Variants in TSPAN32 observed in about 807,000 individuals in gnomAD.
The protein encoded by TSPAN32 is tetraspanin 32.
In TSPAN32, 47 loss-of-function variants were observed where a neutral mutation model predicts 42.7. The ratio of observed to expected loss-of-function variants is 1.10; its 90% CI spans 0.87 to 1.40. The LOEUF is 1.40. TSPAN32 is among the 40% of genes most tolerant of loss of function. The pLI, the probability that TSPAN32 is intolerant of heterozygous loss-of-function variation, is 0.00. For synonymous variants in TSPAN32, 175 were observed against 175.9 expected (o/e 0.99, Z 0.04); for missense variants, 469 against 424.1 (o/e 1.11, Z -0.93).
At position 2,304,677 on chromosome 11, in the gene TSPAN32, G is replaced by A. The variant is rs1847973131; in HGVS notation, c.279+473G>A. Among the ~76,000 whole-genome samples, 1 of 151,840 alleles carries A rather than the reference G, an allele frequency of 6.6e-6. No individual in the cohort carries two copies. Among genetic ancestry groups the A allele is most frequent in the South Asian group, 2.1e-4 (1 of 4,820 alleles). On this transcript the variant is annotated intron_variant, in intron 3 of 9. Transcript: ENST00000182290. The surrounding 1 kb of genome is among the most constrained non-coding windows in gnomAD (Gnocchi z 4.8). The stretch of plus-strand genomic sequence containing the variant: ...TTGAGCTCTCCAGCCTGGGCTCTCC[G>A]GAGCTGCACACTCTCCTTCCCAGCT...
At position 2,313,025 on chromosome 11, in the gene TSPAN32, G is replaced by T. The variant is rs908920997; in HGVS notation, c.355-629G>T. Among the ~76,000 whole-genome samples the T allele has an allele frequency of 6.6e-6, 1 of 152,166 alleles. No individual in the cohort carries two copies. Among genetic ancestry groups the T allele is most frequent in the Non-Finnish European group, 1.5e-5 (1 of 68,020 alleles). ...GTGGAGACATGAGGTCCAGGTGTTG[G>T]TGAGGTGTGGAGCGCAGGCAGCACA... On this transcript the variant is annotated intron_variant, in intron 4 of 9. Coordinates refer to ENST00000182290, the MANE Select transcript of TSPAN32 (RefSeq NM_139022.3). This position sits in a 1 kb window ranked among gnomAD's most constrained non-coding sequence, Gnocchi z 9.1.
At chr11:2,306,708 C>T (rs554495756) in intron 3 of TSPAN32, among the ~76,000 whole-genome samples, 2 of 150,080 alleles carry the variant, frequency 1.3e-5, no homozygotes, top group Non-Finnish European at 3.0e-5. Flanking sequence ...GGGATGGTGG[C>T]CCTCAGCCAG....
At chr11:2,306,180 A>G (rs1848076237) in intron 3 of TSPAN32, among the ~76,000 whole-genome samples, 2 of 152,050 alleles carry the variant, frequency 1.3e-5, no homozygotes, top group African/African-American at 4.8e-5. Context: ...GCACAAGTGA[A>G]GGGGCTAGGG....
intron 6 of TSPAN32, chr11:2,314,989 C>G: frequency 3.5e-6 from 1 of 287,386 alleles, no homozygotes; most frequent in South Asian, 3.0e-5. Flanking sequence ...GTGCAGGCGT[C>G]CTGGGGGGCA....
intron 3 of TSPAN32, among the ~76,000 whole-genome samples, chr11:2,307,751 A>G (rs1337045013): frequency 6.6e-6 from 1 of 151,964 alleles, no homozygotes; most frequent in East Asian, 1.9e-4. Flanking sequence ...CCACCAGAGA[A>G]CGCCCCACTC....
intron 6 of TSPAN32, 119 bp from the exon 7 acceptor site, chr11:2,316,110 G>A (rs1408454681): frequency 3.9e-6 from 6 of 1,523,896 alleles, no homozygotes; most frequent in Middle Eastern, 1.7e-4. Flanking sequence ...CGCACCCGCC[G>A]CCCTGCTGCC....
At chr11:2,314,844 A>G in intron 6 of TSPAN32, 1 of 484,496 alleles carries the variant, frequency 2.1e-6, no homozygotes. Context: ...TGCGCCATTC[A>G]CTCCTTCAAG....
chr11:2,305,925 T>A (rs1416581269), intron 3 of TSPAN32, among the ~76,000 whole-genome samples: 1 of 152,298 alleles, frequency 6.6e-6, no homozygotes, highest in East Asian at 1.9e-4. Flanking sequence ...ACCTGCTCCA[T>A]TGAGCTGCAT....
chr11:2,303,486 G>T, intron 2 of TSPAN32: 1 of 177,248 alleles, frequency 5.6e-6, no homozygotes, highest in South Asian at 8.7e-5. Context: ...TCAGGGGTAA[G>T]GCTGAGGAAG....
chr11:2,303,990 G>GC (rs1430363253), intron 2 of TSPAN32, 117 bp from the exon 3 acceptor site: 4 of 724,650 alleles, frequency 5.5e-6, no homozygotes, highest in East Asian at 5.7e-5. Context: ...CCCATTCAGA[G>GC]CCCCCCAGGA....
chr11:2,305,757 C>T (rs1848044157), intron 3 of TSPAN32, among the ~76,000 whole-genome samples: 1 of 152,204 alleles, frequency 6.6e-6, no homozygotes, highest in African/African-American at 2.4e-5. Context: ...CTTGGAGGCC[C>T]CCAACTGGAT....
intron 4 of TSPAN32, among the ~76,000 whole-genome samples, chr11:2,311,986 C>T (rs1165280114): frequency 1.3e-5 from 2 of 152,100 alleles, no homozygotes; most frequent in African/African-American, 2.4e-5. Flanking sequence ...CTTCCCCAGT[C>T]GTGGGGAGAG....
rs937061231 is a variant in TSPAN32, at chr11:2,313,807, C to A, written c.456+52C>A. Reference sequence around the variant, plus strand: ...GGGCGGTCAGCTTCTGCTTGGACTGCAGTTCAGAGAACAGGCGCAGGGTGG... The same window carrying A: ...GGGCGGTCAGCTTCTGCTTGGACTGAAGTTCAGAGAACAGGCGCAGGGTGG... On this transcript the variant is annotated intron_variant, in intron 5 of 9. Coordinates refer to ENST00000182290, the MANE Select transcript of TSPAN32 (RefSeq NM_139022.3). The surrounding 1 kb of genome is among the most constrained non-coding windows in gnomAD (Gnocchi z 9.1). 2 of 1,421,768 alleles carry A rather than the reference C, an allele frequency of 1.4e-6. No individual in the cohort carries two copies. The highest frequency in any genetic ancestry group is 4.9e-5 in the East Asian group (2 of 40,682). The allele number at this position is 1,421,768 out of a possible 1,614,324, so 88.1% of individuals were successfully genotyped here. A position where few individuals can be genotyped will look rare whatever the true frequency, so the allele number is the denominator to read the frequency against.
At chr11:2,314,423 G>A in intron 5 of TSPAN32, 62 bp from the exon 6 acceptor site, 1 of 1,385,070 alleles carries the variant, frequency 7.2e-7, no homozygotes. Context: ...TTCCCCATAT[G>A]TGCTGCCCGC....
intron 3 of TSPAN32, among the ~76,000 whole-genome samples, chr11:2,306,070 G>GTGTGTGTGTGTGTGTT (rs1416501601): frequency 7.2e-4 from 109 of 152,126 alleles, no homozygotes; most frequent in African/African-American, 2.4e-3. Context: ...GTGTGTGTGT[G>GTGTGTGTGTGTGTGTT]TAAGTATCTG....
intron 4 of TSPAN32, among the ~76,000 whole-genome samples, chr11:2,311,529 C>A (rs1848459901): frequency 6.6e-6 from 1 of 152,164 alleles, no homozygotes; most frequent in African/African-American, 2.4e-5. Context: ...GGAGCCACTA[C>A]CCTCCCTGGA....
At chr11:2,312,919 A>T (rs978250364) in intron 4 of TSPAN32, among the ~76,000 whole-genome samples, 1 of 152,244 alleles carries the variant, frequency 6.6e-6, no homozygotes, top group Non-Finnish European at 1.5e-5. Flanking sequence ...GAGCAGTCAC[A>T]GAAGCCTTCC....
At chr11:2,303,498 C>T in intron 2 of TSPAN32, 1 of 172,280 alleles carries the variant, frequency 5.8e-6, no homozygotes, top group Non-Finnish European at 1.3e-5. Flanking sequence ...CTGAGGAAGG[C>T]CCCTTTAATG....
At chr11:2,310,556 C>T (rs1848403802) in intron 4 of TSPAN32, among the ~76,000 whole-genome samples, 1 of 152,212 alleles carries the variant, frequency 6.6e-6, no homozygotes, top group Non-Finnish European at 1.5e-5. Context: ...TGACTTCTGG[C>T]ATCATCTGTG....
Sources: gnomAD v4.1 joint callset for allele counts (sites outside exome capture counted in the v4.1 genomes callset) on GRCh38, gnomAD v4.1.1 for gene constraint, Gnocchi (gnomAD v3.1) non-coding constraint, MANE v1.5 for transcripts, NCBI Gene and HGNC (gene_info 2026-07-23, HGNC 2026-07-21) for gene names.